SPG11: variants seen among roughly 807,000 people sequenced by gnomAD.
SPG11 encodes the protein SPG11 vesicle trafficking associated, spatacsin.
Under a neutral mutation model 274.0 loss-of-function variants are expected in SPG11, and 222 were observed. The observed-to-expected ratio is 0.81, with a 90% CI of 0.73 to 0.91. SPG11 has a LOEUF of 0.91. Ranked by LOEUF, SPG11 falls within the 40% of genes least tolerant of loss-of-function variation. SPG11 has a pLI of 0.00. For synonymous variants in SPG11, 1,144 were observed against 1,039.7 expected (o/e 1.10, Z -1.93); for missense variants, 3,114 against 2,872.7 (o/e 1.08, Z -1.92).
intron 30 of SPG11, among the ~76,000 whole-genome samples, chr15:44,582,368 T>G (rs1300372978): frequency 6.6e-6 from 1 of 152,104 alleles, no homozygotes; most frequent in Non-Finnish European, 1.5e-5. Context: ...GCCAATATAG[T>G]GGAACCCCAT....
chr15:44,566,134 G>T, intron 37 of SPG11, 83 bp downstream of exon 37: 1 of 1,590,964 alleles, frequency 6.3e-7, no homozygotes, highest in Non-Finnish European at 8.6e-7. Context: ...CGCTTCACCT[G>T]GAAAGAGCCC....
intron 27 of SPG11, 66 bp downstream of exon 27, chr15:44,592,265 C>T (rs1003183035): frequency 9.1e-6 from 9 of 993,960 alleles, no homozygotes; most frequent in Non-Finnish European, 1.5e-5. Flanking sequence ...TAAACAAAAA[C>T]AAAAAAGTCC....
At chr15:44,588,814 T>C (rs975231627) in intron 28 of SPG11, among the ~76,000 whole-genome samples, 1 of 152,232 alleles carries the variant, frequency 6.6e-6, no homozygotes, top group Non-Finnish European at 1.5e-5. Flanking sequence ...CTCAAAACCT[T>C]TGCCATTTAA....
chr15:44,566,223 A>AT lies in SPG11; in HGVS notation c.6836dup (p.Tyr2279Ter), dbSNP rs770068079. 6.2e-7 allele frequency: 1 copy of AT among 1,614,226 alleles called. No homozygotes were observed. Among genetic ancestry groups the AT allele is most frequent in the Non-Finnish European group, 8.5e-7 (1 of 1,180,018 alleles). The change falls in exon 37 of 40, where the codon TAT (tyrosine) becomes TAAT (stop). Residue 2279 changes from tyrosine to a stop codon, truncating the protein, a stop_gained and frameshift_variant. Transcript: ENST00000261866. LOFTEE classifies it high-confidence loss of function. Reference protein sequence around the residue: ...LTLMLDAAESYAKDSCVRQAQ... With the variant: ...LTLMLDAAES Reference sequence around the variant, plus strand: ...AAAAAAGCCTTTGGGTTACCTTGGCATAACTCTCTGCTGCATCCAACATCA... The same window carrying AT: ...AAAAAAGCCTTTGGGTTACCTTGGCATTAACTCTCTGCTGCATCCAACATCA...
At chr15:44,654,457 G>A (rs1373844486) in intron 4 of SPG11, among the ~76,000 whole-genome samples, 3 of 151,982 alleles carry the variant, frequency 2.0e-5, no homozygotes, top group African/African-American at 4.8e-5. Context: ...GCAGTGGGCC[G>A]AGACTGCACC....
intron 7 of SPG11, among the ~76,000 whole-genome samples, chr15:44,645,937 C>T (rs1183716499): frequency 6.6e-6 from 1 of 152,172 alleles, no homozygotes; most frequent in Non-Finnish European, 1.5e-5. Context: ...GAGATACCAT[C>T]TCACACCAGT....
intron 27 of SPG11, among the ~76,000 whole-genome samples, chr15:44,591,463 T>G (rs1055028703): frequency 1.1e-4 from 17 of 152,208 alleles, no homozygotes; most frequent in African/African-American, 4.1e-4. Context: ...CTAACTCTGT[T>G]GCTCTAAGAA....
At chr15:44,632,700 G>T (rs938106381) in intron 8 of SPG11, among the ~76,000 whole-genome samples, 1 of 151,818 alleles carries the variant, frequency 6.6e-6, no homozygotes, top group African/African-American at 2.4e-5. Flanking sequence ...TGTAGAATGG[G>T]GTCTTGCTAT....
chr15:44,608,564 C>T lies in SPG11; in HGVS notation c.3333G>A (p.Val1111=). 2 of 1,614,080 alleles carry T rather than the reference C, an allele frequency of 1.2e-6. No individual in the cohort carries two copies. Among genetic ancestry groups the T allele is most frequent in the Non-Finnish European group, 8.5e-7 (1 of 1,180,004 alleles). Residue 1111 remains valine, a synonymous_variant, in exon 19 of 40, where the codon GTG becomes GTA. Coordinates refer to ENST00000261866, the MANE Select transcript of SPG11 (RefSeq NM_025137.4). Reference sequence around the variant, plus strand: ...ATGCCATCTTCAATAGCTGGGGATCCACTTTCTTCAAACAGTTTTCATTTT... The same window carrying T: ...ATGCCATCTTCAATAGCTGGGGATCTACTTTCTTCAAACAGTTTTCATTTT... ...NEENENCLKK[V]DPQLLKMALT...
intron 29 of SPG11, 96 bp from the exon 30 acceptor site, chr15:44,584,654 G>C: frequency 7.0e-7 from 1 of 1,434,272 alleles, no homozygotes; most frequent in South Asian, 1.2e-5. Flanking sequence ...GTTTGGACAG[G>C]GTCTCAGTCT....
At chr15:44,578,583 C>T (rs933852237) in intron 30 of SPG11, among the ~76,000 whole-genome samples, 1 of 152,118 alleles carries the variant, frequency 6.6e-6, no homozygotes, top group African/African-American at 2.4e-5. Context: ...ACAGGGCTCA[C>T]TCCTGGACTA....
intron 39 of SPG11, among the ~76,000 whole-genome samples, chr15:44,563,528 G>A (rs932490244): frequency 6.6e-6 from 1 of 152,166 alleles, no homozygotes; most frequent in African/African-American, 2.4e-5. Flanking sequence ...AGTAGAGACA[G>A]CGTTCTGCTA....
At chr15:44,629,144 G>A (rs1426840190) in intron 9 of SPG11, 89 bp downstream of exon 9, 1 of 1,439,576 alleles carries the variant, frequency 6.9e-7, no homozygotes, top group Non-Finnish European at 9.8e-7. Flanking sequence ...GCGTGCCACT[G>A]GTTTATGCTG....
intron 20 of SPG11, among the ~76,000 whole-genome samples, chr15:44,602,753 A>G (rs1195897646): frequency 6.6e-6 from 1 of 152,026 alleles, no homozygotes; most frequent in Non-Finnish European, 1.5e-5. Context: ...AAGTGCTGGG[A>G]TTATAGGCAT....
At chr15:44,635,593 C>T (rs145932379) in intron 7 of SPG11, among the ~76,000 whole-genome samples, 3 of 44,466 alleles carry the variant, frequency 6.7e-5, no homozygotes, top group African/African-American at 2.8e-4. Flanking sequence ...GCAACCCTGT[C>T]TCAAAAAAAA....
Position 44,569,381 on chromosome 15 carries a change from C to T in SPG11, c.6585+17G>A, listed in dbSNP as rs1290773807. ...CAGCAGTACACCCCATCCTGGAGCT[C>T]ATTACTTTGCACCTACCGGATCCAA... is the stretch of plus-strand genomic sequence containing the variant. On this transcript the variant is annotated intron_variant, in intron 35 of 39. Transcript: ENST00000261866. 1.3e-6 allele frequency: 2 copies of T among 1,549,122 alleles called. No homozygotes were observed. Among genetic ancestry groups the T allele is most frequent in the African/African-American group, 1.4e-5 (1 of 73,772 alleles).
intron 27 of SPG11, chr15:44,590,824 G>C (rs2082882946): frequency 6.6e-6 from 1 of 152,166 alleles, no homozygotes; most frequent in African/African-American, 2.4e-5. Flanking sequence ...TGCTGAGTTA[G>C]GCCCTAGTCT....
rs1247084532 is a variant in SPG11 at position 44,663,635 on chromosome 15, C to T, written c.13G>A (p.Glu5Lys). 17 of 1,595,090 alleles carry T rather than the reference C, an allele frequency of 1.1e-5. No individual in the cohort carries two copies. Among genetic ancestry groups the T allele is most frequent in the East Asian group, 9.0e-5 (4 of 44,676 alleles). The change falls in exon 1 of 40, where the codon GAA (glutamate) becomes AAA (lysine). Residue 5 changes from glutamate (E) to lysine (K), a missense_variant. Coordinates refer to ENST00000261866, the MANE Select transcript of SPG11 (RefSeq NM_025137.4). ...GCGGAAGCAGCACTCGCGACCCCTT[C>T]CTCTGCAGCCATCTTGGCCCGGCGG... is the stretch of plus-strand genomic sequence containing the variant. Reference protein sequence around the residue: MAAEEGVASAASAGG... With the variant: MAAEKGVASAASAGG...
chr15:44,617,002 C>T lies in SPG11; in HGVS notation c.2835-1436G>A, dbSNP rs7165556. The stretch of plus-strand genomic sequence containing the variant: ...TTTGTGAGAAGCCTGTGCTGGTATC[C>T]TTCTCCTCAGATCCAAGCTCTACTC... On this transcript the variant is annotated intron_variant, in intron 15 of 39. Transcript: ENST00000261866. 6.3e-3 allele frequency among the ~76,000 whole-genome samples: 958 copies of T among 152,272 alleles called. 15 individuals carry two copies. The highest frequency in any genetic ancestry group is 0.022 in the African/African-American group (905 of 41,546).
Sources: gnomAD v4.1 joint callset for allele counts (sites outside exome capture counted in the v4.1 genomes callset) on GRCh38, gnomAD v4.1.1 for gene constraint, MANE v1.5 for transcripts, NCBI Gene and HGNC (gene_info 2026-07-23, HGNC 2026-07-21) for gene names.